Variants in AHNAK observed in about 807,000 individuals in gnomAD.
AHNAK encodes AHNAK nucleoprotein.
A neutral mutation model predicts 37.8 loss-of-function variants in AHNAK; 23 were observed. That is an observed-to-expected ratio of 0.61 (90% CI 0.44 to 0.86). The LOEUF is 0.86. AHNAK is among the 40% of genes least tolerant of loss of function. AHNAK has a pLI of 0.00. For synonymous variants in AHNAK, 2,481 were observed against 2,636.3 expected (o/e 0.94, Z 1.80); for missense variants, 7,411 against 7,319.4 (o/e 1.01, Z -0.46).
At chr11:62,486,020 CAAA>C (rs139783265) in intron 5 of AHNAK, among the ~76,000 whole-genome samples, 2 of 68,408 alleles carry the variant, frequency 2.9e-5, no homozygotes, top group Non-Finnish European at 3.0e-5. Flanking sequence ...GACTTTGTCT[CAAA>C]AAAAAAAAAA....
At chr11:62,535,538 C>T (rs758360344) in intron 3 of AHNAK, among the ~76,000 whole-genome samples, 11 of 151,942 alleles carry the variant, frequency 7.2e-5, no homozygotes, top group Non-Finnish European at 1.5e-4. Flanking sequence ...ATCCCAGCTA[C>T]CCTGGAAGCT....
chr11:62,503,580 C>A (rs1371215215), intron 4 of AHNAK, among the ~76,000 whole-genome samples: 4 of 139,818 alleles, frequency 2.9e-5, no homozygotes, highest in Admixed American at 2.7e-4. Context: ...AAGACTCCAT[C>A]TCAAAAAAAA....
rs1180996669 is a variant in AHNAK, at chr11:62,518,392, C to T, written c.16025G>A (p.Gly5342Glu). ...SGVGGKMQVG[G>E]DGVKVPGIDA... ...GATCCCTGGCACTTTCACACCGTCT[C>T]CTCCCACCTGCATTTTGCCACCGAC... The change falls in exon 5 of 5, where the codon GGA becomes GAA. Residue 5342 changes from glycine (G) to glutamate (E), a missense_variant. Physicochemically the swap from Gly to Glu is moderately conservative, Grantham distance 98. Transcript: ENST00000378024. The T allele has an allele frequency of 8.7e-6, 14 of 1,613,996 alleles. No homozygotes were observed. The highest frequency in any genetic ancestry group is 1.2e-5 in the Non-Finnish European group (14 of 1,180,030).
intron 4 of AHNAK, among the ~76,000 whole-genome samples, chr11:62,509,849 T>C (rs1590638998): frequency 1.3e-5 from 2 of 151,444 alleles, no homozygotes; most frequent in Admixed American, 1.3e-4. Flanking sequence ...ACCTAGGAGG[T>C]GGAGGTTGCA....
Position 62,543,869 on chromosome 11 carries a change from GC to G in AHNAK, c.-100+2790del, listed in dbSNP as rs779919856. On this transcript the variant is annotated intron_variant, in intron 1 of 4. Coordinates refer to ENST00000378024, the MANE Select transcript of AHNAK (RefSeq NM_001620.3). Reference sequence around the variant, plus strand: ...CAAACCTAAGCGTGCACAGCACGGTGCCAGCCCAGCTCCGGGGAGAGAAACT... The same window carrying G: ...CAAACCTAAGCGTGCACAGCACGGTGCAGCCCAGCTCCGGGGAGAGAAACT... Among the ~76,000 whole-genome samples the G allele has an allele frequency of 3.3e-3, 508 of 152,334 alleles. 2 individuals carry two copies. The highest frequency in any genetic ancestry group is 4.8e-3 in the Non-Finnish European group (324 of 68,014).
chr11:62,489,975 A>G (rs1939472014), intron 5 of AHNAK, among the ~76,000 whole-genome samples: 1 of 152,006 alleles, frequency 6.6e-6, no homozygotes, highest in South Asian at 2.1e-4. Flanking sequence ...AAGTGCCCAG[A>G]GATTTCCCTG....
chr11:62,435,109 C>T (rs1051364817), intron 5 of AHNAK, among the ~76,000 whole-genome samples: 1 of 152,142 alleles, frequency 6.6e-6, no homozygotes. Flanking sequence ...CCTGCCCTCC[C>T]CCTAATTGAG....
Position 62,527,501 on chromosome 11 carries a change from G to A in AHNAK, c.6916C>T (p.His2306Tyr). 6.2e-7 allele frequency: 1 copy of A among 1,613,754 alleles called. No individual in the cohort carries two copies. Among genetic ancestry groups the A allele is most frequent in the Non-Finnish European group, 8.5e-7 (1 of 1,179,960 alleles). Residue 2306 changes from histidine (H) to tyrosine (Y), a missense_variant, in exon 5 of 5, where the codon CAC becomes TAC. Physicochemically the swap from His to Tyr is moderately conservative, Grantham distance 83. Coordinates refer to ENST00000378024, the MANE Select transcript of AHNAK (RefSeq NM_001620.3). Reference sequence around the variant, plus strand: ...ATGGAGATCTTGGGGGTCTTGAAGTGCATCTCAGGCATCTTAAACTTGGGG... The same window carrying A: ...ATGGAGATCTTGGGGGTCTTGAAGTACATCTCAGGCATCTTAAACTTGGGG... ...KGPKFKMPEM[H>Y]FKTPKISMPD...
chr11:62,522,593 T>A lies in AHNAK; in HGVS notation c.11824A>T (p.Met3942Leu), dbSNP rs774660996. 1.2e-6 allele frequency: 2 copies of A among 1,611,706 alleles called. No homozygotes were observed. The highest frequency in any genetic ancestry group is 2.7e-5 in the African/African-American group (2 of 74,020). ...MPKIKMPKISMPGFKGEGPEV... is the reference protein window; with the variant it reads ...MPKIKMPKISLPGFKGEGPEV... ...GGACCTTCTCCTTTGAAGCCAGGCA[T>A]GCTGATCTTGGGCATTTTTATCTTA... is the stretch of plus-strand genomic sequence containing the variant. Residue 3942 changes from methionine to leucine, a missense_variant, in exon 5 of 5, where the codon ATG becomes TTG. Transcript: ENST00000378024.
Position 62,520,695 on chromosome 11 carries a change from C to T in AHNAK, c.13722G>A (p.Gly4574=), listed in dbSNP as rs1417594798. ...TTTTAAATTTGGGGCCCTTCAGTTT[C>T]CCTTCTGGACCATGAATGTCAATAT... ...TPDIDIHGPE[G]KLKGPKFKMP... The change falls in exon 5 of 5, where the codon GGG becomes GGA. Residue 4574 remains glycine, a synonymous_variant. Coordinates refer to ENST00000378024, the MANE Select transcript of AHNAK (RefSeq NM_001620.3). 1.2e-6 allele frequency: 2 copies of T among 1,613,832 alleles called. No individual in the cohort carries two copies. Among genetic ancestry groups the T allele is most frequent in the Non-Finnish European group, 8.5e-7 (1 of 1,179,938 alleles).
chr11:62,482,418 A>AG (rs1284098779), intron 5 of AHNAK, among the ~76,000 whole-genome samples: 1 of 151,294 alleles, frequency 6.6e-6, no homozygotes, highest in Non-Finnish European at 1.5e-5. Flanking sequence ...GTCTCAAAAA[A>AG]AAAAATGTAG....
intron 2 of AHNAK, 120 bp from the exon 3 acceptor site, chr11:62,536,218 C>T: frequency 9.1e-7 from 1 of 1,098,382 alleles, no homozygotes; most frequent in Admixed American, 3.4e-5. Context: ...AGCAATGCAC[C>T]TGCCCCTGCA....
At chr11:62,485,701 C>CAAAAAAAAAAA (rs1286819688) in intron 5 of AHNAK, among the ~76,000 whole-genome samples, 2 of 51,946 alleles carry the variant, frequency 3.9e-5, no homozygotes, top group African/African-American at 1.2e-4. Flanking sequence ...GACTCCATCT[C>CAAAAAAAAAAA]AAAAAAAAAA....
chr11:62,528,095 G>A lies in AHNAK; in HGVS notation c.6322C>T (p.Pro2108Ser), dbSNP rs764480280. ...GKLKGPKLKM[P>S]EMHFKAPKIS... ...TTGGGGGCCTTGAAGTGCATCTCAG[G>A]CATCTTAAGCTTGGGGCCCTTCAGC... Residue 2108 changes from proline to serine, a missense_variant, in exon 5 of 5, where the codon CCT (proline) becomes TCT (serine). By Grantham distance (74) the Pro-to-Ser change is moderately conservative (BLOSUM62 -1). Coordinates refer to ENST00000378024, the MANE Select transcript of AHNAK (RefSeq NM_001620.3). 6.2e-7 allele frequency: 1 copy of A among 1,612,652 alleles called. No homozygotes were observed. The highest frequency in any genetic ancestry group is 1.1e-5 in the South Asian group (1 of 90,986).
chr11:62,543,531 T>TGCCAGCGACAGCTCA (rs1941201335), intron 1 of AHNAK, among the ~76,000 whole-genome samples: 1 of 152,210 alleles, frequency 6.6e-6, no homozygotes. Context: ...TACCTAAGAC[T>TGCCAGCGACAGCTCA]GCCAGCGACA....
intron 4 of AHNAK, among the ~76,000 whole-genome samples, chr11:62,509,296 G>A (rs547532580): frequency 4.1e-4 from 63 of 152,216 alleles, no homozygotes; most frequent in African/African-American, 1.4e-3. Flanking sequence ...AGCCGGGCAC[G>A]GTGGCTCACG....
intron 5 of AHNAK, among the ~76,000 whole-genome samples, chr11:62,435,178 C>T (rs936189476): frequency 6.6e-6 from 1 of 152,148 alleles, no homozygotes; most frequent in Non-Finnish European, 1.5e-5. Flanking sequence ...AAGACTCAGC[C>T]AAATAATACC....
rs1455729420 is a variant in AHNAK, at chr11:62,446,263, G to A, written c.443-12372C>T. Among the ~76,000 whole-genome samples the A allele has an allele frequency of 2.0e-5, 3 of 152,130 alleles. No individual in the cohort carries two copies. In the East Asian group the frequency reaches 5.8e-4, roughly 29 times the overall value. ...GCCTGTAAGTGCTTGACCAGGACCTGAACCTGGAACCTGAAACTCAAGTCC... is the reference window on the plus strand; with the variant it reads ...GCCTGTAAGTGCTTGACCAGGACCTAAACCTGGAACCTGAAACTCAAGTCC... On this transcript the variant is annotated intron_variant, in intron 5 of 5. Coordinates refer to the AHNAK transcript ENST00000257247.
intron 5 of AHNAK, among the ~76,000 whole-genome samples, chr11:62,452,603 C>T (rs1490963591): frequency 6.6e-6 from 1 of 152,154 alleles, no homozygotes; most frequent in East Asian, 1.9e-4. Flanking sequence ...TTTATCTTGG[C>T]CTTTATCTAA....
Sources: gnomAD v4.1 joint callset for allele counts (sites outside exome capture counted in the v4.1 genomes callset) on GRCh38, gnomAD v4.1.1 for gene constraint, MANE v1.5 for transcripts, NCBI Gene and HGNC (gene_info 2026-07-23, HGNC 2026-07-21) for gene names.